LIMS2: variants seen among roughly 807,000 people sequenced by gnomAD.
LIMS2 encodes the protein LIM zinc finger domain containing 2.
LIMS2 carries 30 observed loss-of-function variants against 45.3 expected under a neutral mutation model. That is an observed-to-expected ratio of 0.66 (90% CI 0.50 to 0.90). The LOEUF (loss-of-function observed/expected upper bound fraction) is 0.90, where lower values mean the gene tolerates loss of function less well. LIMS2 is among the 40% of genes least tolerant of loss of function. The pLI is 0.00. For missense variants in LIMS2, 485 were observed against 468.7 expected, an observed-to-expected ratio of 1.03 and a Z score of -0.32; for synonymous variants, 173 against 188.0, an observed-to-expected ratio of 0.92 and a Z score of 0.65.
chr2:127,652,883 T>A (rs1292734820), intron 4 of LIMS2, among the ~76,000 whole-genome samples: 1 of 152,226 alleles, frequency 6.6e-6, no homozygotes, highest in Non-Finnish European at 1.5e-5. Context: ...CATGCTTTTG[T>A]AGCATGTTTG....
intron 4 of LIMS2, chr2:127,650,921 C>G (rs747360576): frequency 1.2e-6 from 2 of 1,614,004 alleles, no homozygotes. Flanking sequence ...ACCACAAGTC[C>G]GGGACCCCGG....
intron 7 of LIMS2, 64 bp downstream of exon 7, chr2:127,640,832 T>C (rs1246089870): frequency 1.0e-5 from 15 of 1,461,044 alleles, no homozygotes; most frequent in Non-Finnish European, 1.3e-5. Context: ...CCTCCCTTGC[T>C]CACGGCAGCT....
chr2:127,646,978 G>A (rs1683057569), intron 4 of LIMS2, among the ~76,000 whole-genome samples: 1 of 152,226 alleles, frequency 6.6e-6, no homozygotes. Flanking sequence ...TTAAAATGGA[G>A]TCTCAGTCCC....
chr2:127,652,619 A>G (rs949497241), intron 4 of LIMS2: 2 of 164,562 alleles, frequency 1.2e-5, no homozygotes, highest in African/African-American at 2.4e-5. Flanking sequence ...GACCATAAAT[A>G]TAACTGTAGC....
intron 1 of LIMS2, among the ~76,000 whole-genome samples, chr2:127,663,487 A>G (rs62161994): frequency 0.27 from 41,793 of 151,986 alleles, 6,035 homozygotes; most frequent in African/African-American, 0.33. Context: ...TCTAATTGCC[A>G]CTCTGGGAGC....
At position 127,667,932 on chromosome 2, in the gene LIMS2, G is replaced by A. The variant is rs572627082; in HGVS notation, c.11+7082C>T. Among the ~76,000 whole-genome samples the A allele has an allele frequency of 7.9e-5, 12 of 152,170 alleles. No homozygotes were observed. Among genetic ancestry groups the A allele is most frequent in the African/African-American group, 2.4e-4 (10 of 41,504 alleles). ...TTACATACTCATATATAGAAAACTC[G>A]GAAGAATCCCTCCTCAAAAAAAGAA... On this transcript the variant is annotated intron_variant, in intron 1 of 9. Transcript: ENST00000355119. The surrounding 1 kb of genome is among the most constrained non-coding windows in gnomAD (Gnocchi z 4.1).
intron 1 of LIMS2, among the ~76,000 whole-genome samples, chr2:127,670,900 C>T (rs551766043): frequency 2.0e-5 from 3 of 152,350 alleles, no homozygotes; most frequent in Admixed American, 6.5e-5. Flanking sequence ...CCTCCAAGGA[C>T]GTGGGTGAGG....
intron 1 of LIMS2, among the ~76,000 whole-genome samples, chr2:127,681,124 C>T (rs528682276): frequency 6.6e-6 from 1 of 152,350 alleles, no homozygotes; most frequent in Non-Finnish European, 1.5e-5. Flanking sequence ...GAAGGCCCCG[C>T]GTGCGGCCAC....
intron 1 of LIMS2, among the ~76,000 whole-genome samples, chr2:127,669,717 T>C: frequency 6.7e-6 from 1 of 149,030 alleles, no homozygotes; most frequent in Non-Finnish European, 1.5e-5. Flanking sequence ...GACTCCATCT[T>C]AAAAAAAAAA....
At chr2:127,651,318 G>C in intron 4 of LIMS2, 1 of 1,610,394 alleles carries the variant, frequency 6.2e-7, no homozygotes, top group Non-Finnish European at 8.5e-7. Flanking sequence ...CCATGCCCTG[G>C]TGTCCCTGGC....
chr2:127,661,008 C>G (rs1684610574), intron 1 of LIMS2, among the ~76,000 whole-genome samples: 1 of 151,860 alleles, frequency 6.6e-6, no homozygotes, highest in Admixed American at 6.5e-5. Flanking sequence ...GAGCCCCTAA[C>G]AGCAGCTCTG....
At chr2:127,662,894 T>C (rs1191055499) in intron 1 of LIMS2, among the ~76,000 whole-genome samples, 4 of 152,344 alleles carry the variant, frequency 2.6e-5, no homozygotes, top group African/African-American at 9.6e-5. Flanking sequence ...GTATGAAACC[T>C]GTCTGAAATT....
chr2:127,648,840 G>A (rs1558877071), intron 4 of LIMS2, among the ~76,000 whole-genome samples: 1 of 151,174 alleles, frequency 6.6e-6, no homozygotes, highest in Admixed American at 6.6e-5. Flanking sequence ...AGGATCACTT[G>A]AGCCCTGGAG....
intron 4 of LIMS2, among the ~76,000 whole-genome samples, chr2:127,648,521 C>A (rs1683243736): frequency 6.6e-6 from 1 of 152,134 alleles, no homozygotes; most frequent in Non-Finnish European, 1.5e-5. Context: ...CCAGCCTCCT[C>A]CTCGAGGGGC....
intron 1 of LIMS2, among the ~76,000 whole-genome samples, chr2:127,665,312 A>G (rs1573839675): frequency 6.6e-6 from 1 of 152,328 alleles, no homozygotes; most frequent in Admixed American, 6.5e-5. Context: ...AAGAGCTGGC[A>G]GCCGTCACTA....
At chr2:127,640,410 C>CCTCTCAGGCAT in intron 7 of LIMS2, 92 bp from the exon 8 acceptor site, 4 of 1,369,494 alleles carry the variant, frequency 2.9e-6, no homozygotes, top group Non-Finnish European at 4.1e-6. Flanking sequence ...CAACACGGCC[C>CCTCTCAGGCAT]CTCTCAGGCA....
Position 127,667,342 on chromosome 2 carries a change from T to C in LIMS2, c.11+7672A>G, listed in dbSNP as rs1205972966. 6.6e-6 allele frequency among the ~76,000 whole-genome samples: 1 copy of C among 152,034 alleles called. No individual in the cohort carries two copies. The highest frequency in any genetic ancestry group is 1.5e-5 in the Non-Finnish European group (1 of 67,992). On this transcript the variant is annotated intron_variant, in intron 1 of 9. Transcript: ENST00000355119. This position sits in a 1 kb window ranked among gnomAD's most constrained non-coding sequence, Gnocchi z 4.1. ...AAACAACAAACCTTCACAAAATCTT[T>C]CCAAACAAAAGAAAAGAAAGACTAG...
chr2:127,674,650 G>A, intron 1 of LIMS2: 3 of 984,724 alleles, frequency 3.0e-6, no homozygotes, highest in African/African-American at 1.7e-5. Flanking sequence ...GCGCGGGCTC[G>A]GGGAAGTTGG....
intron 4 of LIMS2, among the ~76,000 whole-genome samples, chr2:127,652,861 T>C (rs1048504514): frequency 2.0e-5 from 3 of 152,236 alleles, no homozygotes; most frequent in Non-Finnish European, 4.4e-5. Flanking sequence ...CCCTGCACCG[T>C]CCTTACGGCA....
Sources: allele counts gnomAD v4.1 joint callset (sites outside exome capture counted in the v4.1 genomes callset), GRCh38; gene constraint gnomAD v4.1.1; non-coding constraint Gnocchi (gnomAD v3.1); transcripts MANE v1.5; gene names NCBI Gene and HGNC (gene_info 2026-07-23, HGNC 2026-07-21).